Variants in SUPT3H observed in about 807,000 individuals in gnomAD.
The protein encoded by SUPT3H is transcription initiation protein SPT3 homolog.
A neutral mutation model predicts 44.3 loss-of-function variants in SUPT3H; 44 were observed. The observed-to-expected ratio is 0.99, with a 90% CI of 0.78 to 1.28. The LOEUF (loss-of-function observed/expected upper bound fraction) is 1.28. Ranked by LOEUF, SUPT3H falls within the 50% of genes most tolerant of loss-of-function variation. The pLI, the probability that SUPT3H is intolerant of heterozygous loss-of-function variation, is 0.00. For missense variants in SUPT3H, 380 were observed against 387.1 expected, an observed-to-expected ratio of 0.98 and a Z score of 0.15; for synonymous variants, 124 against 125.6, an observed-to-expected ratio of 0.99 and a Z score of 0.09.
chr6:44,819,824 G>C (rs895161727), intron 11 of SUPT3H, among the ~76,000 whole-genome samples: 3 of 152,038 alleles, frequency 2.0e-5, no homozygotes, highest in African/African-American at 4.8e-5. Context: ...CATATCTAAA[G>C]AACTTCTGCA....
At chr6:45,088,120 G>C (rs1238508303) in intron 3 of SUPT3H, among the ~76,000 whole-genome samples, 1 of 152,026 alleles carries the variant, frequency 6.6e-6, no homozygotes, top group Non-Finnish European at 1.5e-5. Context: ...TGCGTCTGCA[G>C]GTTTCTTCTC....
At chr6:45,314,377 T>G (rs955443572) in intron 2 of SUPT3H, among the ~76,000 whole-genome samples, 2 of 152,154 alleles carry the variant, frequency 1.3e-5, no homozygotes, top group Admixed American at 1.3e-4. Flanking sequence ...ACAATATGAT[T>G]GTTTACCTTG....
chr6:45,172,319 C>A (rs990717862), intron 2 of SUPT3H, among the ~76,000 whole-genome samples: 1 of 151,812 alleles, frequency 6.6e-6, no homozygotes, highest in Non-Finnish European at 1.5e-5. Context: ...GATCCGCCCC[C>A]CTCGGCCTCC....
intron 3 of SUPT3H, among the ~76,000 whole-genome samples, chr6:45,081,417 T>A (rs1432641586): frequency 1.3e-5 from 2 of 152,120 alleles, no homozygotes; most frequent in Non-Finnish European, 2.9e-5. Flanking sequence ...CCAGTCCTTG[T>A]CCTAGATTAT....
chr6:44,928,697 C>CATCCCGGCTAAA (rs1398207507), intron 10 of SUPT3H, among the ~76,000 whole-genome samples: 1 of 150,998 alleles, frequency 6.6e-6, no homozygotes, highest in South Asian at 2.1e-4. Context: ...AGATCGAGAC[C>CATCCCGGCTAAA]ACGGTGAAAC....
chr6:44,945,905 C>G (rs1773265933), intron 9 of SUPT3H, among the ~76,000 whole-genome samples: 2 of 152,144 alleles, frequency 1.3e-5, no homozygotes, highest in African/African-American at 4.8e-5. Flanking sequence ...CTTGGCCATT[C>G]ATAGCTAGAA....
At chr6:44,891,543 T>C (rs1324227792) in intron 10 of SUPT3H, among the ~76,000 whole-genome samples, 1 of 152,096 alleles carries the variant, frequency 6.6e-6, no homozygotes, top group African/African-American at 2.4e-5. Flanking sequence ...GTATCTAGAA[T>C]AGGCAAATTC....
chr6:45,249,758 T>C (rs1772041694), intron 2 of SUPT3H, among the ~76,000 whole-genome samples: 1 of 151,512 alleles, frequency 6.6e-6, no homozygotes, highest in Non-Finnish European at 1.5e-5. Context: ...CTTTCATCTT[T>C]GGGGAAGTTA....
At chr6:44,951,108 CCTT>C (rs199508836) in intron 9 of SUPT3H, among the ~76,000 whole-genome samples, 2,696 of 152,062 alleles carry the variant, frequency 0.018, 50 homozygotes, top group South Asian at 0.092. Flanking sequence ...GGGTTTTTCT[CCTT>C]CTAAAATGGT....
chr6:45,057,452 C>T (rs1160008007), intron 3 of SUPT3H, among the ~76,000 whole-genome samples: 1 of 151,760 alleles, frequency 6.6e-6, no homozygotes, highest in Non-Finnish European at 1.5e-5. Flanking sequence ...TGACACAAAA[C>T]CCAACAGAGC....
At chr6:45,290,188 A>G (rs886384814) in intron 2 of SUPT3H, among the ~76,000 whole-genome samples, 2 of 151,770 alleles carry the variant, frequency 1.3e-5, no homozygotes, top group African/African-American at 4.8e-5. Flanking sequence ...TCAAAAAAAG[A>G]AAAAAAAATT....
intron 6 of SUPT3H, among the ~76,000 whole-genome samples, chr6:44,965,381 G>T (rs1776630535): frequency 6.6e-6 from 1 of 152,162 alleles, no homozygotes; most frequent in Admixed American, 6.5e-5. Flanking sequence ...CATGATGTGA[G>T]AAAGACTGGA....
At chr6:44,885,975 G>A (rs1038337639) in intron 10 of SUPT3H, among the ~76,000 whole-genome samples, 5 of 152,324 alleles carry the variant, frequency 3.3e-5, no homozygotes, top group African/African-American at 1.2e-4. Flanking sequence ...AAATGCACAA[G>A]CCTCAGGAGC....
chr6:45,351,014 C>T (rs369352030), intron 2 of SUPT3H, among the ~76,000 whole-genome samples: 1 of 152,076 alleles, frequency 6.6e-6, no homozygotes, highest in Admixed American at 6.6e-5. Context: ...AAGTTCTGCG[C>T]TCCTTATGAG....
chr6:45,164,225 T>C (rs959298250), intron 2 of SUPT3H, among the ~76,000 whole-genome samples: 9 of 152,148 alleles, frequency 5.9e-5, no homozygotes, highest in African/African-American at 9.7e-5. Flanking sequence ...CTGGGACCTA[T>C]TCATGGGGCA....
At chr6:45,248,183 A>G (rs538075085) in intron 2 of SUPT3H, among the ~76,000 whole-genome samples, 46 of 152,276 alleles carry the variant, frequency 3.0e-4, no homozygotes, top group East Asian at 2.5e-3. Context: ...TTGTTTATGT[A>G]CAGAGTTCCT....
At chr6:45,299,210 G>A (rs537623252) in intron 2 of SUPT3H, among the ~76,000 whole-genome samples, 14 of 151,436 alleles carry the variant, frequency 9.2e-5, no homozygotes, top group Admixed American at 1.3e-4. Context: ...AAAATTAGCC[G>A]GATGTGATGG....
At chr6:44,813,945 A>G (rs1183316835) in intron 11 of SUPT3H, among the ~76,000 whole-genome samples, 1 of 152,162 alleles carries the variant, frequency 6.6e-6, no homozygotes, top group African/African-American at 2.4e-5. Flanking sequence ...ATAGGATCTA[A>G]AAAAATCGAT....
intron 2 of SUPT3H, among the ~76,000 whole-genome samples, chr6:45,170,618 A>G (rs1810611388): frequency 1.3e-5 from 2 of 152,316 alleles, no homozygotes; most frequent in Middle Eastern, 3.4e-3. Context: ...AATGACTACC[A>G]AGGGTGTTTA....
Sources: gnomAD v4.1 joint callset for allele counts (sites outside exome capture counted in the v4.1 genomes callset) on GRCh38, gnomAD v4.1.1 for gene constraint, MANE v1.5 for transcripts, NCBI Gene and HGNC (gene_info 2026-07-23, HGNC 2026-07-21) for gene names.